CFAP47: variants seen among roughly 807,000 people sequenced by gnomAD.
CFAP47 encodes the protein cilia and flagella associated protein 47, also known as cilia- and flagella-associated protein 47.
Under a neutral mutation model 148.1 loss-of-function variants are expected in CFAP47, and 29 were observed. The observed-to-expected ratio is 0.20, with a 90% CI of 0.15 to 0.27. CFAP47 has a LOEUF of 0.27. CFAP47 is among the 10% of genes least tolerant of loss of function. The pLI, the probability that CFAP47 is intolerant of heterozygous loss-of-function variation, is 1.00. For synonymous variants in CFAP47, 664 were observed against 577.3 expected, an observed-to-expected ratio of 1.15 and a Z score of -2.15; for missense variants, 1,872 against 1,697.5, an observed-to-expected ratio of 1.10 and a Z score of -1.81.
chrX:36,379,417 G>A lies in CFAP47; in HGVS notation c.9253G>A (p.Ala3085Thr). The change falls in exon 63 of 64, where the codon GCT becomes ACT. Residue 3085 changes from alanine to threonine, a missense_variant. By Grantham distance (58) the Ala-to-Thr change is moderately conservative. Transcript: ENST00000378653. ...TCTGGAGTTTTTTGTAAAACCTCAGGCTGGAGAACTTCTTCCTTTTAACAC... is the reference window on the plus strand; with the variant it reads ...TCTGGAGTTTTTTGTAAAACCTCAGACTGGAGAACTTCTTCCTTTTAACAC... ...SDLEFFVKPQ[A>T]GELLPFNTNG... is the part of the protein sequence containing the mutation. 2 of 1,165,402 alleles carry A rather than the reference G, an allele frequency of 1.7e-6. No individual in the cohort carries two copies. Among genetic ancestry groups the A allele is most frequent in the East Asian group, 3.3e-5 (1 of 30,745 alleles).
chrX:36,169,409 T>C (rs780885105), intron 39 of CFAP47, among the ~76,000 whole-genome samples: 20 of 110,574 alleles, frequency 1.8e-4, no homozygotes, highest in South Asian at 3.9e-4. Flanking sequence ...ATTAGACTTA[T>C]GTTGGTGTCC....
At chrX:35,992,386 AT>A (rs1169403200) in intron 17 of CFAP47, among the ~76,000 whole-genome samples, 175 of 105,906 alleles carry the variant, frequency 1.7e-3, no homozygotes, top group African/African-American at 5.2e-3. Flanking sequence ...CAAAGTGGTG[AT>A]TTTTTTTTTT....
chrX:36,286,246 G>T (rs1941131549), intron 51 of CFAP47, among the ~76,000 whole-genome samples: 1 of 110,884 alleles, frequency 9.0e-6, no homozygotes, highest in African/African-American at 3.3e-5. Flanking sequence ...TATTTTAAAT[G>T]AAACATGAGG....
In CFAP47 at chrX:36,201,516, T is replaced by C. The variant is rs1299945580; in HGVS notation, c.6663+16T>C. 6.8e-6 allele frequency: 2 copies of C among 294,798 alleles called. No individual in the cohort carries two copies. The highest frequency in any genetic ancestry group is 1.2e-5 in the Non-Finnish European group (2 of 169,416). 24.3% of individuals were successfully genotyped at this position (294,798 alleles called of 1,213,427 possible). A position where few individuals can be genotyped will look rare whatever the true frequency, so the allele number is the denominator to read the frequency against. Reference sequence around the variant, plus strand: ...GAAGATCGAGGTGGGAATGGAGTAATAGATGATTCACTTCAATTACTCTCT... The same window carrying C: ...GAAGATCGAGGTGGGAATGGAGTAACAGATGATTCACTTCAATTACTCTCT... On this transcript the variant is annotated intron_variant, in intron 44 of 63. Transcript: ENST00000378653.
chrX:36,274,178 A>T, intron 49 of CFAP47, among the ~76,000 whole-genome samples: 1 of 112,264 alleles, frequency 8.9e-6, no homozygotes, highest in South Asian at 3.7e-4. Context: ...AGGGATAATA[A>T]AACATAATAA....
chrX:36,202,860 A>G (rs1939997007), intron 44 of CFAP47, among the ~76,000 whole-genome samples: 1 of 107,052 alleles, frequency 9.3e-6, no homozygotes, highest in South Asian at 4.4e-4. Flanking sequence ...CCTGGCAACA[A>G]GAGTGAAACT....
chrX:36,270,814 C>T (rs907462214), intron 49 of CFAP47, among the ~76,000 whole-genome samples: 15 of 108,663 alleles, frequency 1.4e-4, no homozygotes, highest in African/African-American at 5.0e-4. Context: ...CCCCAGTCTG[C>T]AACTTGCCTT....
chrX:36,168,933 T>C (rs1939528987), intron 39 of CFAP47, among the ~76,000 whole-genome samples: 1 of 112,445 alleles, frequency 8.9e-6, no homozygotes, highest in South Asian at 3.6e-4. Context: ...AATGAATTGT[T>C]TTAGTTATTC....
chrX:36,376,453 C>T (rs1942024083), intron 62 of CFAP47, among the ~76,000 whole-genome samples: 1 of 110,862 alleles, frequency 9.0e-6, no homozygotes, highest in Non-Finnish European at 1.9e-5. Context: ...AGCAGCCTCA[C>T]TCTCCTGTAA....
At chrX:36,199,714 G>A (rs1939956853) in intron 42 of CFAP47, among the ~76,000 whole-genome samples, 2 of 111,433 alleles carry the variant, frequency 1.8e-5, no homozygotes, top group East Asian at 5.7e-4. Flanking sequence ...ATGGTTTCTA[G>A]CATATGGCAT....
At chrX:35,924,226 TATATATGGACATGTATGTGTGC>T (rs1436208481) in intron 1 of CFAP47, among the ~76,000 whole-genome samples, 1 of 103,112 alleles carries the variant, frequency 9.7e-6, no homozygotes, top group Admixed American at 1.0e-4. Context: ...CATGTATGTG[TATATATGGACATGTATGTGTGC>T]ATATGGACAT....
intron 39 of CFAP47, among the ~76,000 whole-genome samples, chrX:36,163,797 A>T (rs1966870747): frequency 9.0e-6 from 1 of 110,897 alleles, no homozygotes; most frequent in Non-Finnish European, 1.9e-5. Context: ...TGTAGTAGAG[A>T]TGAGGTGTCA....
At chrX:36,151,347 C>T (rs1939305010) in intron 37 of CFAP47, among the ~76,000 whole-genome samples, 1 of 111,674 alleles carries the variant, frequency 9.0e-6, no homozygotes, top group Admixed American at 9.5e-5. Context: ...CATATGCATA[C>T]TTATGTATTT....
chrX:36,226,693 G>A (rs971283770), intron 45 of CFAP47, among the ~76,000 whole-genome samples: 9 of 111,463 alleles, frequency 8.1e-5, no homozygotes, highest in Non-Finnish European at 1.7e-4. Flanking sequence ...CATTTCATGA[G>A]TTGGAAAATG....
chrX:36,276,149 A>G (rs1941014866), intron 49 of CFAP47, among the ~76,000 whole-genome samples: 1 of 110,976 alleles, frequency 9.0e-6, no homozygotes, highest in Non-Finnish European at 1.9e-5. Context: ...TAATATTTCA[A>G]CAGCATCTTT....
intron 63 of CFAP47, among the ~76,000 whole-genome samples, chrX:36,383,101 C>A (rs986359506): frequency 1.1e-4 from 12 of 111,105 alleles, no homozygotes; most frequent in African/African-American, 3.9e-4. Context: ...AGAGTATGAA[C>A]AACTTCCATA....
At chrX:36,161,679 A>G (rs776783415) in intron 39 of CFAP47, among the ~76,000 whole-genome samples, 5 of 112,004 alleles carry the variant, frequency 4.5e-5, no homozygotes, top group East Asian at 2.8e-4. Context: ...AGCTTCAGCT[A>G]TCAGATTCTT....
At chrX:36,167,907 T>C (rs763111537) in intron 39 of CFAP47, among the ~76,000 whole-genome samples, 2 of 111,831 alleles carry the variant, frequency 1.8e-5, no homozygotes, top group South Asian at 7.5e-4. Context: ...TTGGGTTTCC[T>C]TGTTTGTTTG....
chrX:36,153,959 G>A (rs1013138211), intron 37 of CFAP47, among the ~76,000 whole-genome samples: 1 of 111,784 alleles, frequency 8.9e-6, no homozygotes, highest in Non-Finnish European at 1.9e-5. Context: ...GATGGGAGAG[G>A]CAGCAAGGAT....
Sources: gnomAD v4.1 joint callset for allele counts (sites outside exome capture counted in the v4.1 genomes callset) on GRCh38, gnomAD v4.1.1 for gene constraint, MANE v1.5 for transcripts, NCBI Gene and HGNC (gene_info 2026-07-23, HGNC 2026-07-21) for gene names.